The following TRPM4 variants were observed in gnomAD, a reference collection of about 807,000 sequenced individuals.
TRPM4 encodes calcium-activated non-selective cation channel 1.
In TRPM4, 124 loss-of-function variants were observed where a neutral mutation model predicts 135.6. The observed-to-expected ratio is 0.91, with a 90% CI of 0.79 to 1.06. The LOEUF (loss-of-function observed/expected upper bound fraction) is 1.06. TRPM4 is among the 50% of genes least tolerant of loss of function. The pLI is 0.00. For missense variants in TRPM4, 1,658 were observed against 1,671.4 expected (o/e 0.99, Z 0.14); for synonymous variants, 745 against 705.6 (o/e 1.06, Z -0.88).
chr19:49,199,363 A>G (rs1241567404), intron 17 of TRPM4, among the ~76,000 whole-genome samples: 1 of 151,990 alleles, frequency 6.6e-6, no homozygotes, highest in Non-Finnish European at 1.5e-5. Context: ...GGTTCACGCC[A>G]TTCTCCTGCC....
At chr19:49,200,035 A>G (rs1372400049) in intron 17 of TRPM4, among the ~76,000 whole-genome samples, 1 of 152,128 alleles carries the variant, frequency 6.6e-6, no homozygotes, top group African/African-American at 2.4e-5. Context: ...TTCCAGCTTG[A>G]TTCTTACAGG....
chr19:49,202,449 T>C (rs1188922918), intron 20 of TRPM4, among the ~76,000 whole-genome samples: 1 of 152,070 alleles, frequency 6.6e-6, no homozygotes, highest in Non-Finnish European at 1.5e-5. Context: ...ACTCAAGCAA[T>C]CCTCCTGCCT....
At position 49,167,924 on chromosome 19, in the gene TRPM4, G is replaced by A. The variant is rs757752547; in HGVS notation, c.275G>A (p.Arg92Gln). The A allele has an allele frequency of 6.2e-7, 1 of 1,613,814 alleles. No homozygotes were observed. Among genetic ancestry groups the A allele is most frequent in the African/African-American group, 1.3e-5 (1 of 74,878 alleles). The change falls in exon 4 of 25, where the codon CGG (arginine) becomes CAG (glutamine). Residue 92 changes from arginine to glutamine, a missense_variant. Transcript: ENST00000252826. ...GCTCCCATGTGTCCACAGTTCCTCC[G>A]GCTCTCTGACCGAACGGATCCAGCT... ...GAGRKHSNFL[R>Q]LSDRTDPAAV... is the part of the protein sequence containing the mutation.
chr19:49,182,763 C>A lies in TRPM4; in HGVS notation c.1449C>A (p.Ser483Arg), dbSNP rs937917897. 1 of 1,613,774 alleles carries A rather than the reference C, an allele frequency of 6.2e-7. No individual in the cohort carries two copies. The highest frequency in any genetic ancestry group is 8.5e-7 in the Non-Finnish European group (1 of 1,179,736). Residue 483 changes from serine (S) to arginine (R), a missense_variant, in exon 11 of 25, where the codon AGC becomes AGA. Physicochemically the swap from Ser to Arg is moderately radical, Grantham distance 110. Around this residue, in one of 3 missense-constraint regions of TRPM4, gnomAD observed 1,412 missense variants for 1,408.7 expected, o/e 1.00. Transcript: ENST00000252826. ...IRNLLDQASHSAGTKAPALKG... is the reference protein window; with the variant it reads ...IRNLLDQASHRAGTKAPALKG... The stretch of plus-strand genomic sequence containing the variant: ...ACCTTTTGGACCAGGCGTCCCACAG[C>A]GCAGGCACCAAAGCCCCAGCCCTAA...
At chr19:49,200,880 C>A in intron 19 of TRPM4, 95 bp downstream of exon 19, 1 of 1,343,476 alleles carries the variant, frequency 7.4e-7, no homozygotes, top group Non-Finnish European at 1.0e-6. Flanking sequence ...ATCTGTCTCT[C>A]TGAGTCTCTG....
chr19:49,199,405 C>T (rs909274595), intron 17 of TRPM4, among the ~76,000 whole-genome samples: 1 of 152,168 alleles, frequency 6.6e-6, no homozygotes, highest in Non-Finnish European at 1.5e-5. Context: ...ACTACAGGTG[C>T]CTGCCTCCAC....
At chr19:49,177,416 C>G (rs1480065714) in intron 9 of TRPM4, among the ~76,000 whole-genome samples, 1 of 150,056 alleles carries the variant, frequency 6.7e-6, no homozygotes, top group African/African-American at 2.5e-5. Context: ...CTCACTGCAA[C>G]CCCCGGGTTC....
At chr19:49,177,399 A>T (rs1967739303) in intron 9 of TRPM4, among the ~76,000 whole-genome samples, 1 of 132,654 alleles carries the variant, frequency 7.5e-6, no homozygotes, top group African/African-American at 2.9e-5. Flanking sequence ...CAGTGGTGTG[A>T]TCTCAGCTCA....
chr19:49,172,235 T>C, intron 9 of TRPM4, 127 bp downstream of exon 9: 1 of 788,092 alleles, frequency 1.3e-6, no homozygotes. Context: ...TTAATATTTT[T>C]CCCCTTTGGG....
In TRPM4 at chr19:49,210,434, G is replaced by C; in HGVS notation, c.3328+29G>C. 3.1e-6 allele frequency: 5 copies of C among 1,608,260 alleles called. No individual in the cohort carries two copies. The highest frequency in any genetic ancestry group is 3.4e-6 in the Non-Finnish European group (4 of 1,178,432). ...AGAACAGAGCTTGGCTTAAAAAGGA[G>C]AAATATAGGGGACCGGGAGCCTGGA... On this transcript the variant is annotated intron_variant, in intron 21 of 24. Coordinates refer to ENST00000252826, the MANE Select transcript of TRPM4 (RefSeq NM_017636.4). The surrounding 1 kb of genome is among the most constrained non-coding windows in gnomAD (Gnocchi z 4.1).
rs947722381 is a variant in TRPM4 at position 49,196,885 on chromosome 19, C to T, written c.2645+11C>T. ...GGGCGTGGGCTGCCGGTGAGTGCCC[C>T]GGGGCCTTGGAACCCTGGCCCCTGG... On this transcript the variant is annotated intron_variant, in intron 17 of 24. Transcript: ENST00000252826. The T allele has an allele frequency of 4.5e-6, 7 of 1,568,206 alleles. No homozygotes were observed. The highest frequency in any genetic ancestry group is 3.6e-5 in the Admixed American group (2 of 56,040).
chr19:49,162,511 C>T (rs1967003380), intron 2 of TRPM4, among the ~76,000 whole-genome samples: 1 of 151,974 alleles, frequency 6.6e-6, no homozygotes, highest in Non-Finnish European at 1.5e-5. Flanking sequence ...TGCATTCTAG[C>T]CTGGGAGACA....
At chr19:49,175,962 C>T (rs1338081100) in intron 9 of TRPM4, among the ~76,000 whole-genome samples, 36 of 135,662 alleles carry the variant, frequency 2.7e-4, no homozygotes, top group African/African-American at 8.8e-4. Flanking sequence ...CTTTGTCTGT[C>T]GCCCAGGCTG....
chr19:49,168,449 G>T (rs775865025), intron 5 of TRPM4, 26 bp downstream of exon 5: 1 of 1,613,910 alleles, frequency 6.2e-7, no homozygotes, highest in Non-Finnish European at 8.5e-7. Context: ...TTGGAAAAGG[G>T]GGCTGGAGGC....
intron 12 of TRPM4, among the ~76,000 whole-genome samples, chr19:49,187,718 G>A (rs1285039034): frequency 2.0e-5 from 3 of 152,134 alleles, no homozygotes; most frequent in Admixed American, 1.3e-4. Flanking sequence ...GGAGACCTCA[G>A]TTTTATTATC....
chr19:49,190,617 G>A, intron 15 of TRPM4, 79 bp from the exon 16 acceptor site: 1 of 1,440,336 alleles, frequency 6.9e-7, no homozygotes, highest in African/African-American at 1.4e-5. Context: ...TCCGGGTGAA[G>A]AAGTTTGAGT....
Position 49,182,712 on chromosome 19 carries a change from G to A in TRPM4, c.1398G>A (p.Ala466=). The A allele has an allele frequency of 6.2e-7, 1 of 1,614,086 alleles. No individual in the cohort carries two copies. The highest frequency in any genetic ancestry group is 1.1e-5 in the South Asian group (1 of 91,082). ...TPMRLAQLYS[A]APSNSLIRNL... Reference sequence around the variant, plus strand: ...TGCGCCTGGCCCAACTCTACAGCGCGGCGCCCTCCAACTCGCTCATCCGCA... The same window carrying A: ...TGCGCCTGGCCCAACTCTACAGCGCAGCGCCCTCCAACTCGCTCATCCGCA... The change falls in exon 11 of 25, where the codon GCG becomes GCA. Residue 466 remains alanine (A), a synonymous_variant. Coordinates refer to ENST00000252826, the MANE Select transcript of TRPM4 (RefSeq NM_017636.4).
At position 49,188,143 on chromosome 19, in the gene TRPM4, T is replaced by C. The variant is rs1481196492; in HGVS notation, c.1744-498T>C. Among the ~76,000 whole-genome samples the C allele has an allele frequency of 2.6e-5, 4 of 152,276 alleles. No individual in the cohort carries two copies. In the South Asian group the frequency reaches 6.2e-4, roughly 24 times the overall value. Reference sequence around the variant, plus strand: ...TCTTTGGGGAAAGGGCTATTATCAATTTCGTTTCAGAGTCAAACCATGAAC... The same window carrying C: ...TCTTTGGGGAAAGGGCTATTATCAACTTCGTTTCAGAGTCAAACCATGAAC... On this transcript the variant is annotated intron_variant, in intron 12 of 24. Coordinates refer to ENST00000252826, the MANE Select transcript of TRPM4 (RefSeq NM_017636.4).
chr19:49,157,982 G>A (rs2041546265), intron 1 of TRPM4, 92 bp downstream of exon 1: 2 of 1,437,596 alleles, frequency 1.4e-6, no homozygotes, highest in East Asian at 2.5e-5. Context: ...CCAGATTCCT[G>A]GGTCAGACGG....
Sources: allele counts gnomAD v4.1 joint callset (sites outside exome capture counted in the v4.1 genomes callset), GRCh38; gene constraint gnomAD v4.1.1; regional missense constraint gnomAD v4.1.1; non-coding constraint Gnocchi (gnomAD v3.1); transcripts MANE v1.5; gene names NCBI Gene and HGNC (gene_info 2026-07-23, HGNC 2026-07-21).